Variants in ST7 observed in about 807,000 individuals in gnomAD.
The protein encoded by ST7 is suppressor of tumorigenicity 7 protein.
ST7 carries 28 observed loss-of-function variants against 78.7 expected under a neutral mutation model. The observed-to-expected ratio is 0.36, with a 90% CI of 0.26 to 0.49. ST7 has a LOEUF of 0.49. Among genes scored for constraint, ST7 ranks in the 20% least tolerant of loss-of-function variants. ST7 has a pLI of 0.99. For synonymous variants in ST7, 247 were observed against 249.6 expected (o/e 0.99, Z 0.10); for missense variants, 418 against 696.0 (o/e 0.60, Z 4.49).
At chr7:117,086,392 C>A (rs552865235) in intron 1 of ST7, among the ~76,000 whole-genome samples, 1 of 152,298 alleles carries the variant, frequency 6.6e-6, no homozygotes, top group South Asian at 2.1e-4. Context: ...TACTGATCCA[C>A]CTCAAGAAAC....
At chr7:117,177,802 A>C (rs1184301832) in intron 10 of ST7, among the ~76,000 whole-genome samples, 1 of 152,164 alleles carries the variant, frequency 6.6e-6, no homozygotes, top group Non-Finnish European at 1.5e-5. Context: ...AGGTGGGGCA[A>C]AAAGACCTCA....
chr7:117,130,671 CT>C, intron 5 of ST7, 65 bp downstream of exon 5: 1 of 1,179,250 alleles, frequency 8.5e-7, no homozygotes, highest in Non-Finnish European at 1.2e-6. Context: ...AAGATTTCTG[CT>C]TTTAGAATAT....
chr7:117,055,419 G>A (rs1798011090), intron 1 of ST7, among the ~76,000 whole-genome samples: 1 of 152,070 alleles, frequency 6.6e-6, no homozygotes, highest in African/African-American at 2.4e-5. Flanking sequence ...AGCCAGGCTG[G>A]TCTTGAACTC....
intron 12 of ST7, chr7:117,191,769 A>G (rs930269573): frequency 4.6e-5 from 7 of 152,202 alleles, no homozygotes; most frequent in African/African-American, 7.2e-5. Context: ...CAGGTATGAC[A>G]AGCCATAACT....
At chr7:117,145,973 C>G (rs7457636) in intron 9 of ST7, among the ~76,000 whole-genome samples, 120,102 of 152,136 alleles carry the variant, frequency 0.79, 48,357 homozygotes, top group African/African-American at 0.95. Context: ...AGAGGGAGCT[C>G]CTTGTGTCCT....
intron 1 of ST7, among the ~76,000 whole-genome samples, chr7:116,996,010 C>T (rs1411182534): frequency 6.6e-6 from 1 of 151,650 alleles, no homozygotes; most frequent in Non-Finnish European, 1.5e-5. Context: ...GTTCCTACCC[C>T]TTCTTACCTC....
At chr7:117,120,183 G>A (rs1170999115) in intron 3 of ST7, among the ~76,000 whole-genome samples, 1 of 152,116 alleles carries the variant, frequency 6.6e-6, no homozygotes, top group African/African-American at 2.4e-5. Context: ...GCCCGCCTTG[G>A]CCTCCCAAAG....
At chr7:116,955,641 T>C (rs1016478365) in intron 1 of ST7, among the ~76,000 whole-genome samples, 4 of 152,214 alleles carry the variant, frequency 2.6e-5, no homozygotes, top group African/African-American at 7.2e-5. Context: ...TTTCATGATA[T>C]ACATTTGTAT....
chr7:117,077,147 G>A (rs556139955), intron 1 of ST7, among the ~76,000 whole-genome samples: 3 of 152,282 alleles, frequency 2.0e-5, no homozygotes, highest in Admixed American at 6.5e-5. Context: ...ACTTCTCTGC[G>A]ATGTCCAGCT....
chr7:117,057,909 G>A (rs1363125951), intron 1 of ST7, among the ~76,000 whole-genome samples: 1 of 152,124 alleles, frequency 6.6e-6, no homozygotes, highest in Non-Finnish European at 1.5e-5. Context: ...AAGTCTGGTA[G>A]TTATAGTAAT....
intron 15 of ST7, among the ~76,000 whole-genome samples, chr7:117,229,183 G>A (rs143086414): frequency 1.8e-3 from 269 of 152,344 alleles, no homozygotes; most frequent in African/African-American, 6.1e-3. Flanking sequence ...ACAAGGATCT[G>A]TCCTCCATGG....
chr7:116,967,248 G>A (rs1250897297), intron 1 of ST7: 2 of 470,146 alleles, frequency 4.3e-6, no homozygotes, highest in South Asian at 3.1e-5. Context: ...AGCCTGTTCT[G>A]GAAGACCCCA....
At chr7:116,982,649 T>C (rs560453525) in intron 1 of ST7, among the ~76,000 whole-genome samples, 1 of 152,338 alleles carries the variant, frequency 6.6e-6, no homozygotes, top group East Asian at 1.9e-4. Context: ...CCTATTATTC[T>C]TGGAGGACTT....
intron 15 of ST7, chr7:117,222,744 G>A: frequency 1.2e-6 from 1 of 822,408 alleles, no homozygotes; most frequent in South Asian, 1.5e-5. Context: ...GTTTCAAACA[G>A]AAGGAATAAG....
intron 1 of ST7, among the ~76,000 whole-genome samples, chr7:117,077,950 A>C (rs1412166978): frequency 6.7e-6 from 1 of 150,132 alleles, no homozygotes; most frequent in Admixed American, 6.7e-5. Context: ...GCCCTTTGTG[A>C]TATGAGTTGC....
chr7:117,061,056 A>T lies in ST7; in HGVS notation c.152-38706A>T, dbSNP rs571884228. 2.6e-5 allele frequency among the ~76,000 whole-genome samples: 4 copies of T among 152,304 alleles called. No individual in the cohort carries two copies. The South Asian group carries it at 8.3e-4, about 32-fold the overall frequency. On this transcript the variant is annotated intron_variant, in intron 1 of 15. Transcript: ENST00000323984. ...TTTCCCATAAATAAATGGGAAAATA[A>T]ATCCAATTCCTGCCCTTTTAAAGAC...
At chr7:117,123,485 A>G (rs960779630) in intron 3 of ST7, among the ~76,000 whole-genome samples, 2 of 152,198 alleles carry the variant, frequency 1.3e-5, no homozygotes, top group African/African-American at 4.8e-5. Flanking sequence ...GTAGTTAATT[A>G]TACAGTTTCT....
At chr7:117,094,956 C>T (rs532774167) in intron 1 of ST7, among the ~76,000 whole-genome samples, 5 of 152,110 alleles carry the variant, frequency 3.3e-5, no homozygotes, top group Non-Finnish European at 7.4e-5. Context: ...TTTAGCAAAG[C>T]ATTAAAAGGA....
At chr7:117,133,758 C>T (rs1804557220) in intron 6 of ST7, among the ~76,000 whole-genome samples, 1 of 151,772 alleles carries the variant, frequency 6.6e-6, no homozygotes, top group Admixed American at 6.6e-5. Context: ...CTTATAAGCT[C>T]ATTCCACTCT....
Sources: gnomAD v4.1 joint callset for allele counts (sites outside exome capture counted in the v4.1 genomes callset) on GRCh38, gnomAD v4.1.1 for gene constraint, MANE v1.5 for transcripts, NCBI Gene and HGNC (gene_info 2026-07-23, HGNC 2026-07-21) for gene names.